Variants in EPCIP observed in about 807,000 individuals in gnomAD.
EPCIP encodes exosomal polycystin-1-interacting protein.
the EPCIP span, among the ~76,000 whole-genome samples, chr21:32,805,454 C>T: frequency 2.6e-5 from 4 of 151,956 alleles, no homozygotes; most frequent in East Asian, 3.9e-4. Context: ...CTTTGCATCC[C>T]GTGTTCAAGC....
chr21:32,807,783 C>T, the EPCIP span: 8 of 152,236 alleles, frequency 5.3e-5, no homozygotes, highest in Non-Finnish European at 1.0e-4. Context: ...TTTGAGCTTA[C>T]TCTCCTATGG....
chr21:32,810,611 G>T, the EPCIP span: 2 of 471,248 alleles, frequency 4.2e-6, no homozygotes, highest in Admixed American at 4.7e-5. Context: ...GTGCATGGCT[G>T]TCTTCTGTAT....
chr21:32,805,372 T>TC, the EPCIP span, among the ~76,000 whole-genome samples: 1 of 151,588 alleles, frequency 6.6e-6, no homozygotes. Context: ...TTTTTTTTTT[T>TC]GAGATGGAGT....
chr21:32,798,084 C>A, the EPCIP span: 1 of 152,188 alleles, frequency 6.6e-6, no homozygotes, highest in Non-Finnish European at 1.5e-5. Context: ...CCTGTAACCC[C>A]AGCACTTTGG....
the EPCIP span, among the ~76,000 whole-genome samples, chr21:32,799,752 G>A: frequency 2.0e-5 from 3 of 152,158 alleles, no homozygotes; most frequent in South Asian, 2.1e-4. Flanking sequence ...GACCGGCCTG[G>A]CCAACATGGG....
the EPCIP span, among the ~76,000 whole-genome samples, chr21:32,812,931 A>G: frequency 6.6e-6 from 1 of 152,208 alleles, no homozygotes; most frequent in Non-Finnish European, 1.5e-5. Context: ...ACTTTTGAAT[A>G]AAAGACCAAT....
chr21:32,809,280 C>CCTCCTTTA, the EPCIP span, among the ~76,000 whole-genome samples: 1 of 78,824 alleles, frequency 1.3e-5, no homozygotes, highest in Non-Finnish European at 2.5e-5. Flanking sequence ...TCCCTCCTTC[C>CCTCCTTTA]TTTCTTTCTT....
At chr21:32,804,565 C>A in the EPCIP span, among the ~76,000 whole-genome samples, 1 of 151,956 alleles carries the variant, frequency 6.6e-6, no homozygotes, top group Middle Eastern at 3.2e-3. Context: ...ATAGTGATAA[C>A]AAATGTATTA....
At chr21:32,804,946 G>A in the EPCIP span, among the ~76,000 whole-genome samples, 1 of 152,158 alleles carries the variant, frequency 6.6e-6, no homozygotes, top group Admixed American at 6.5e-5. Flanking sequence ...TGTTATAGTA[G>A]GTCAAATAAT....
the EPCIP span, chr21:32,794,158 AG>A: frequency 6.2e-7 from 1 of 1,614,250 alleles, no homozygotes. Flanking sequence ...GGCCCAGCGC[AG>A]ATGTGTCCGT....
At chr21:32,794,176 G>T in the EPCIP span, 1 of 1,614,270 alleles carries the variant, frequency 6.2e-7, no homozygotes, top group Non-Finnish European at 8.5e-7. Flanking sequence ...CCGTGAACCA[G>T]ATGGTCAGAT....
the EPCIP span, chr21:32,798,478 C>G: frequency 6.6e-6 from 1 of 152,252 alleles, no homozygotes; most frequent in Non-Finnish European, 1.5e-5. Context: ...AATTCTTACT[C>G]CACGGGTTCA....
the EPCIP span, among the ~76,000 whole-genome samples, chr21:32,804,161 C>T: frequency 6.6e-6 from 1 of 151,890 alleles, no homozygotes; most frequent in Admixed American, 6.6e-5. Flanking sequence ...ATGTTGAACT[C>T]ACTAGTATAT....
the EPCIP span, chr21:32,793,577 G>T: frequency 1.5e-6 from 1 of 673,862 alleles, no homozygotes; most frequent in Non-Finnish European, 2.7e-6. Flanking sequence ...AAGTGTTCTC[G>T]CAGTTGGGCA....
At chr21:32,808,624 T>G in the EPCIP span, among the ~76,000 whole-genome samples, 1 of 152,226 alleles carries the variant, frequency 6.6e-6, no homozygotes, top group Non-Finnish European at 1.5e-5. Context: ...CTGGGAATGA[T>G]GACTAAAGGT....
chr21:32,797,866 G>T, the EPCIP span: 12 of 152,276 alleles, frequency 7.9e-5, no homozygotes, highest in East Asian at 1.2e-3. Context: ...ACTCAAAAAA[G>T]GTTGTCAGAA....
chr21:32,799,670 G>A, the EPCIP span, among the ~76,000 whole-genome samples: 1 of 152,196 alleles, frequency 6.6e-6, no homozygotes, highest in Non-Finnish European at 1.5e-5. Flanking sequence ...AGCCAGGCAT[G>A]GTGGTTCACA....
chr21:32,812,783 C>T, the EPCIP span, among the ~76,000 whole-genome samples: 1 of 152,094 alleles, frequency 6.6e-6, no homozygotes, highest in East Asian at 1.9e-4. Context: ...CACCAACATA[C>T]TTTTTGCTAA....
the EPCIP span, among the ~76,000 whole-genome samples, chr21:32,793,119 G>A: frequency 3.9e-5 from 6 of 151,900 alleles, no homozygotes; most frequent in South Asian, 2.1e-4. Context: ...CACCATGCCC[G>A]GCTAATTTTG....
Sources: gnomAD v4.1 joint callset for allele counts (sites outside exome capture counted in the v4.1 genomes callset) on GRCh38, gnomAD v4.1.1 for gene constraint, MANE v1.5 for transcripts, NCBI Gene and HGNC (gene_info 2026-07-23, HGNC 2026-07-21) for gene names.